Variants in HEPHL1 observed in about 807,000 individuals in gnomAD.
HEPHL1 encodes the protein ferroxidase HEPHL1.
A neutral mutation model predicts 122.0 loss-of-function variants in HEPHL1; 123 were observed. The ratio of observed to expected loss-of-function variants is 1.01; its 90% CI spans 0.87 to 1.17. The LOEUF (loss-of-function observed/expected upper bound fraction) is 1.17. Ranked by LOEUF, HEPHL1 falls within the 50% of genes most tolerant of loss-of-function variation. HEPHL1 has a pLI of 0.00. For synonymous variants in HEPHL1, 527 were observed against 508.9 expected, an observed-to-expected ratio of 1.04 and a Z score of -0.48; for missense variants, 1,452 against 1,430.5, an observed-to-expected ratio of 1.01 and a Z score of -0.24.
At chr11:94,066,324 G>A (rs1360934760) in intron 4 of HEPHL1, among the ~76,000 whole-genome samples, 1 of 152,248 alleles carries the variant, frequency 6.6e-6, no homozygotes, top group Non-Finnish European at 1.5e-5. Flanking sequence ...GGAGGCCAAG[G>A]TGGGAGGATC....
chr11:94,033,055 C>G (rs1945690370), intron 1 of HEPHL1, among the ~76,000 whole-genome samples: 1 of 152,140 alleles, frequency 6.6e-6, no homozygotes, highest in Non-Finnish European at 1.5e-5. Context: ...CAGAAGTATG[C>G]CAATGTATAA....
chr11:94,061,426 AAG>A lies in HEPHL1; in HGVS notation c.416-2078_416-2077del, dbSNP rs1381163269. Among the ~76,000 whole-genome samples, 52 of 152,222 alleles carry A rather than the reference AAG, an allele frequency of 3.4e-4. 1 individual carries two copies. The highest frequency in any genetic ancestry group is 3.4e-3 in the Admixed American group (52 of 15,266). On this transcript the variant is annotated intron_variant, in intron 2 of 19. Coordinates refer to ENST00000315765, the MANE Select transcript of HEPHL1 (RefSeq NM_001098672.2). ...TTTCTGACAAAAAAATGGCAGATAC[AAG>A]AGAATGAACTGGAAAAGTGGACTGA...
chr11:94,060,514 G>A (rs959323627), intron 2 of HEPHL1, among the ~76,000 whole-genome samples: 7 of 152,054 alleles, frequency 4.6e-5, no homozygotes, highest in Non-Finnish European at 8.8e-5. Flanking sequence ...ACTCTTAAGA[G>A]GTAGGCATTT....
intron 5 of HEPHL1, among the ~76,000 whole-genome samples, chr11:94,067,997 G>A (rs919125208): frequency 6.6e-6 from 1 of 152,146 alleles, no homozygotes; most frequent in African/African-American, 2.4e-5. Flanking sequence ...CGAGGAACCT[G>A]TAGTATAGTT....
At chr11:94,037,129 T>G (rs1945732758) in intron 1 of HEPHL1, among the ~76,000 whole-genome samples, 1 of 151,936 alleles carries the variant, frequency 6.6e-6, no homozygotes, top group Non-Finnish European at 1.5e-5. Flanking sequence ...GAAAATCGGG[T>G]CACTCCCACC....
intron 1 of HEPHL1, among the ~76,000 whole-genome samples, chr11:94,042,590 T>C (rs1228951572): frequency 2.0e-5 from 3 of 151,110 alleles, no homozygotes; most frequent in Non-Finnish European, 2.9e-5. Flanking sequence ...ATGGATGAAA[T>C]TGGAAACCAT....
In HEPHL1 at chr11:94,034,662, G is replaced by T. The variant is rs138902331; in HGVS notation, c.171-11011G>T. Among the ~76,000 whole-genome samples, 159 of 152,278 alleles carry T rather than the reference G, an allele frequency of 1.0e-3. 1 individual carries two copies. Among genetic ancestry groups the T allele is most frequent in the Non-Finnish European group, 1.7e-3 (119 of 68,026 alleles). On this transcript the variant is annotated intron_variant, in intron 1 of 19. Transcript: ENST00000315765. ...AAAGAAGGGAGAGCAATGCAGAAAA[G>T]ATGACATTTAAGTAAAGAAAGATAA...
intron 1 of HEPHL1, among the ~76,000 whole-genome samples, chr11:94,034,992 A>G (rs796621329): frequency 3.3e-5 from 5 of 152,226 alleles, no homozygotes; most frequent in African/African-American, 1.2e-4. Flanking sequence ...GATCTGGTCA[A>G]ATACATCTGT....
At chr11:94,083,160 T>G (rs1946186481) in intron 10 of HEPHL1, among the ~76,000 whole-genome samples, 1 of 152,004 alleles carries the variant, frequency 6.6e-6, no homozygotes. Flanking sequence ...CAAACTACTC[T>G]CCCTTGGGTT....
intron 8 of HEPHL1, 149 bp from the exon 9 acceptor site, chr11:94,075,025 T>C: frequency 1.6e-6 from 1 of 620,976 alleles, no homozygotes; most frequent in South Asian, 2.0e-5. Flanking sequence ...GGCAGTGGCC[T>C]CTTCTGGTAG....
At chr11:94,032,511 A>G (rs888712263) in intron 1 of HEPHL1, among the ~76,000 whole-genome samples, 14 of 152,338 alleles carry the variant, frequency 9.2e-5, no homozygotes, top group African/African-American at 3.4e-4. Flanking sequence ...TTTACAAATT[A>G]GAAAATGTCA....
intron 2 of HEPHL1, among the ~76,000 whole-genome samples, chr11:94,056,212 ATTATT>A (rs1486299542): frequency 2.0e-5 from 3 of 152,110 alleles, no homozygotes; most frequent in Admixed American, 6.6e-5. Context: ...TGCTATTTGA[ATTATT>A]TTACTTTCAA....
intron 2 of HEPHL1, among the ~76,000 whole-genome samples, chr11:94,054,641 C>T (rs530860936): frequency 9.2e-5 from 14 of 152,324 alleles, no homozygotes; most frequent in African/African-American, 2.4e-4. Context: ...CTTCAATCAA[C>T]GATAGGATGG....
chr11:94,032,557 A>G (rs1316533601), intron 1 of HEPHL1, among the ~76,000 whole-genome samples: 5 of 152,196 alleles, frequency 3.3e-5, no homozygotes, highest in Non-Finnish European at 7.3e-5. Context: ...GCAGGTCCCA[A>G]CAGTCTTTGG....
chr11:94,033,418 G>A (rs1518566), intron 1 of HEPHL1, among the ~76,000 whole-genome samples: 30,483 of 152,006 alleles, frequency 0.2, 3,685 homozygotes, highest in African/African-American at 0.34. Context: ...GAGAGGACCC[G>A]AAGACTCTGG....
At chr11:94,025,238 G>T (rs993205775) in intron 1 of HEPHL1, among the ~76,000 whole-genome samples, 3 of 152,118 alleles carry the variant, frequency 2.0e-5, no homozygotes, top group African/African-American at 7.2e-5. Context: ...TTAGGAGTTA[G>T]ATTCTATTTA....
intron 10 of HEPHL1, among the ~76,000 whole-genome samples, chr11:94,085,674 C>T (rs188748508): frequency 1.3e-5 from 2 of 152,112 alleles, no homozygotes; most frequent in African/African-American, 4.8e-5. Flanking sequence ...ATTTTCATAT[C>T]GAGAGCCTTA....
chr11:94,037,344 G>T (rs1945735268), intron 1 of HEPHL1, among the ~76,000 whole-genome samples: 1 of 151,650 alleles, frequency 6.6e-6, no homozygotes, highest in Non-Finnish European at 1.5e-5. Flanking sequence ...CAGCCAGAAA[G>T]CTTGAACTGG....
At chr11:94,029,630 A>G (rs1945655817) in intron 1 of HEPHL1, among the ~76,000 whole-genome samples, 2 of 152,214 alleles carry the variant, frequency 1.3e-5, no homozygotes, top group African/African-American at 4.8e-5. Context: ...TTCTGATGCA[A>G]GTGGTACATG....
Sources: allele counts gnomAD v4.1 joint callset (sites outside exome capture counted in the v4.1 genomes callset), GRCh38; gene constraint gnomAD v4.1.1; transcripts MANE v1.5; gene names NCBI Gene and HGNC (gene_info 2026-07-23, HGNC 2026-07-21).